MRC2: variants seen among roughly 807,000 people sequenced by gnomAD.
MRC2 encodes C-type mannose receptor 2.
Under a neutral mutation model 206.2 loss-of-function variants are expected in MRC2, and 84 were observed. The observed-to-expected ratio is 0.41, with a 90% CI of 0.34 to 0.49. The LOEUF (loss-of-function observed/expected upper bound fraction) is 0.49, where lower values mean the gene tolerates loss of function less well. Among genes scored for constraint, MRC2 ranks in the 20% least tolerant of loss-of-function variants. The pLI is 0.31. For synonymous variants in MRC2, 798 were observed against 800.0 expected (o/e 1.00, Z 0.04); for missense variants, 1,676 against 2,001.5 (o/e 0.84, Z 3.10).
intron 1 of MRC2, among the ~76,000 whole-genome samples, chr17:62,635,439 T>G (rs1051904280): frequency 6.6e-6 from 1 of 152,086 alleles, no homozygotes. Flanking sequence ...TAGGGAAGGA[T>G]AAGGAGCTTC....
Position 62,690,643 on chromosome 17 carries a change from G to T in MRC2, c.3894G>T (p.Ala1298=). 1 of 1,602,794 alleles carries T rather than the reference G, an allele frequency of 6.2e-7. No homozygotes were observed. Among genetic ancestry groups the T allele is most frequent in the Non-Finnish European group, 8.5e-7 (1 of 1,174,692 alleles). ...GACGTGGGCCTTCTTTGCATCCAGCGGGTGGGGCCGTCCTGTCTATCCTGG... is the reference window on the plus strand; with the variant it reads ...GACGTGGGCCTTCTTTGCATCCAGCTGGTGGGGCCGTCCTGTCTATCCTGG... ...HKEARQRCQR[A]GGAVLSILDE... The change falls in exon 27 of 30, where the codon GCG becomes GCT. Residue 1298 remains alanine, a splice_region_variant and synonymous_variant. Transcript: ENST00000303375.
At chr17:62,691,174 C>T (rs765111874) in intron 28 of MRC2, 46 bp downstream of exon 28, 30 of 1,545,868 alleles carry the variant, frequency 1.9e-5, no homozygotes, top group Non-Finnish European at 2.3e-5. Flanking sequence ...CACCCCGTGC[C>T]GCTGGTCCTG....
chr17:62,688,633 GC>G lies in MRC2; in HGVS notation c.3197del (p.Pro1066LeufsTer50). ...YANWAPGEPSGPSPAPSGNKP... is the reference protein window; with the variant it reads ...YANWAPGEPSXPSPAPSGNKP... Reference sequence around the variant, plus strand: ...AACTGGGCACCTGGGGAGCCCTCTGGCCCTAGCCCTGCTCCCAGTGGCAACA... The same window carrying G: ...AACTGGGCACCTGGGGAGCCCTCTGGCCTAGCCCTGCTCCCAGTGGCAACA... On this transcript the variant is annotated frameshift_variant, in exon 22 of 30. Transcript: ENST00000303375. LOFTEE classifies it high-confidence loss of function. 1 of 1,614,024 alleles carries G rather than the reference GC, an allele frequency of 6.2e-7. No homozygotes were observed. Among genetic ancestry groups the G allele is most frequent in the Middle Eastern group, 1.7e-4 (1 of 6,052 alleles).
rs74383508 is a variant in MRC2 at position 62,662,264 on chromosome 17, T to A, written c.119-2284T>A. On this transcript the variant is annotated intron_variant, in intron 1 of 29. Transcript: ENST00000303375. ...GACTCTGTCTCAAAAAAAAAAAAAATAGATTATTCTGACTGTCTTTGGAGA... is the reference window on the plus strand; with the variant it reads ...GACTCTGTCTCAAAAAAAAAAAAAAAAGATTATTCTGACTGTCTTTGGAGA... Among the ~76,000 whole-genome samples, 81 of 146,996 alleles carry A rather than the reference T, an allele frequency of 5.5e-4. No individual in the cohort carries two copies. The East Asian group carries it at 6.5e-3, about 12-fold the overall frequency.
At chr17:62,690,595 CCCCCCGGAGACCCATCCGCCCT>C in intron 26 of MRC2, 25 bp from the exon 27 acceptor site, 1 of 1,542,248 alleles carries the variant, frequency 6.5e-7, no homozygotes, top group Non-Finnish European at 8.7e-7. Flanking sequence ...GGACTCTGCC[CCCCCCGGAGACCCATCCGCCCT>C]GACGTGGGCC....
intron 13 of MRC2, 112 bp from the exon 14 acceptor site, chr17:62,679,688 C>G (rs878918312): frequency 1.0e-6 from 1 of 964,334 alleles, no homozygotes; most frequent in South Asian, 1.6e-5. Context: ...TGGAGAGGCC[C>G]CAGGCCCTGG....
At position 62,693,524 on chromosome 17, in the gene MRC2, C is replaced by T. The variant is rs1181768267; in HGVS notation, c.*1073C>T. 2.0e-5 allele frequency: 3 copies of T among 152,416 alleles called. No individual in the cohort carries two copies. Among genetic ancestry groups the T allele is most frequent in the Non-Finnish European group, 4.4e-5 (3 of 68,016 alleles). 9.4% of individuals were successfully genotyped at this position (152,416 alleles called of 1,614,324 possible). A position where few individuals can be genotyped will look rare whatever the true frequency, so the allele number is the denominator to read the frequency against. ...TCTGTAGTTGATTTTTTAAATGTGC[C>T]ATTATTGTTTTTAAAAAAAAAGGAA... On this transcript the variant is annotated 3_prime_UTR_variant, in exon 30 of 30. Coordinates refer to ENST00000303375, the MANE Select transcript of MRC2 (RefSeq NM_006039.5).
At chr17:62,640,017 C>CTTTTT (rs56703312) in intron 1 of MRC2, among the ~76,000 whole-genome samples, 81 of 74,330 alleles carry the variant, frequency 1.1e-3, no homozygotes, top group Middle Eastern at 8.5e-3. Context: ...CCATGCCCAG[C>CTTTTT]TTTTTTTTTT....
chr17:62,654,628 C>A (rs551456553), intron 1 of MRC2, among the ~76,000 whole-genome samples: 1 of 152,236 alleles, frequency 6.6e-6, no homozygotes, highest in South Asian at 2.1e-4. Context: ...AAACTGTTGT[C>A]AAGCCTTTGC....
intron 1 of MRC2, among the ~76,000 whole-genome samples, chr17:62,659,395 C>T (rs2088654949): frequency 6.6e-6 from 1 of 152,152 alleles, no homozygotes; most frequent in African/African-American, 2.4e-5. Context: ...CAAAAATTAG[C>T]TGAGCATGGT....
At chr17:62,647,778 T>C (rs1177320032) in intron 1 of MRC2, among the ~76,000 whole-genome samples, 1 of 152,160 alleles carries the variant, frequency 6.6e-6, no homozygotes, top group Admixed American at 6.5e-5. Flanking sequence ...ATGCTGCCAA[T>C]TTTTCCAGCA....
In MRC2 at chr17:62,692,363, G is replaced by A. The variant is rs376294143; in HGVS notation, c.4352G>A (p.Arg1451His). The A allele has an allele frequency of 1.8e-5, 29 of 1,573,064 alleles. No individual in the cohort carries two copies. Among genetic ancestry groups the A allele is most frequent in the Admixed American group, 3.8e-5 (2 of 52,988 alleles). Residue 1451 changes from arginine (R) to histidine (H), a missense_variant, in exon 30 of 30, where the codon CGC becomes CAC. By Grantham distance (29) the Arg-to-His change is conservative. Around this residue, in one of 3 missense-constraint regions of MRC2, gnomAD observed 1,354 missense variants for 1,636.6 expected, o/e 0.83. Transcript: ENST00000303375. The surrounding 1 kb of genome is among the most constrained non-coding windows in gnomAD (Gnocchi z 4.2). ...SIERGAFEGA[R>H]YSRSSSSPTE... ...GAGCGCGGGGCCTTTGAGGGTGCCC[G>A]CTACAGCCGCAGCAGCTCCAGCCCC... is the stretch of plus-strand genomic sequence containing the variant.
intron 20 of MRC2, chr17:62,683,971 C>T (rs538355174): frequency 2.3e-4 from 35 of 152,124 alleles, no homozygotes; most frequent in Admixed American, 2.0e-3. Flanking sequence ...TGGCCCTGCA[C>T]AAGGATGCTA....
At position 62,678,571 on chromosome 17, in the gene MRC2, T is replaced by TG; in HGVS notation, c.2125dup (p.Ala709GlyfsTer25). The TG allele has an allele frequency of 6.2e-7, 1 of 1,609,620 alleles. No individual in the cohort carries two copies. The highest frequency in any genetic ancestry group is 8.5e-7 in the Non-Finnish European group (1 of 1,178,880). On this transcript the variant is annotated frameshift_variant, in exon 13 of 30. Coordinates refer to ENST00000303375, the MANE Select transcript of MRC2 (RefSeq NM_006039.5). LOFTEE classifies it high-confidence loss of function. ...CAGGCCCAGGGGGCCTGCCAGGAGC[T>TG]GGGGGCCCAGCTGCTGAGCCTGGCC...
chr17:62,664,775 G>T lies in MRC2; in HGVS notation c.346G>T (p.Ala116Ser), dbSNP rs375584608. The change falls in exon 2 of 30, where the codon GCA becomes TCA. Residue 116 changes from alanine to serine, a missense_variant. Ala to Ser is a moderately conservative substitution (Grantham distance 99). This residue lies in a region of MRC2 where 318 missense variants were observed against 346.7 expected (regional missense o/e 0.92). Coordinates refer to ENST00000303375, the MANE Select transcript of MRC2 (RefSeq NM_006039.5). This position sits in a 1 kb window ranked among gnomAD's most constrained non-coding sequence, Gnocchi z 4.7. ...SLGMYECDRE[A>S]LNLRWHCRTL... ...GGGCATGTATGAGTGTGACCGGGAA[G>T]CACTGAATCTTCGCTGGCATTGTCG... 5 of 1,614,034 alleles carry T rather than the reference G, an allele frequency of 3.1e-6. No individual in the cohort carries two copies. The highest frequency in any genetic ancestry group is 4.2e-6 in the Non-Finnish European group (5 of 1,180,040).
intron 1 of MRC2, among the ~76,000 whole-genome samples, chr17:62,638,008 C>T (rs575718411): frequency 2.0e-5 from 3 of 151,972 alleles, no homozygotes; most frequent in Non-Finnish European, 4.4e-5. Context: ...GGACGACAGG[C>T]GGCGCCACCA....
At chr17:62,651,607 C>T (rs2147449292) in intron 1 of MRC2, among the ~76,000 whole-genome samples, 1 of 152,022 alleles carries the variant, frequency 6.6e-6, no homozygotes, top group Middle Eastern at 3.4e-3. Flanking sequence ...ACGAGTTTCA[C>T]TCTGTCCCCC....
chr17:62,645,777 C>T (rs1296649455), intron 1 of MRC2, among the ~76,000 whole-genome samples: 2 of 151,212 alleles, frequency 1.3e-5, no homozygotes, highest in Non-Finnish European at 2.9e-5. Flanking sequence ...TGAGCTCAAG[C>T]AATCCACCTG....
chr17:62,685,177 A>T (rs2089018216), intron 20 of MRC2, among the ~76,000 whole-genome samples: 1 of 151,688 alleles, frequency 6.6e-6, no homozygotes, highest in South Asian at 2.1e-4. Flanking sequence ...CAAAAAAAAA[A>T]TTACACCTCT....
Sources: gnomAD v4.1 joint callset for allele counts (sites outside exome capture counted in the v4.1 genomes callset) on GRCh38, gnomAD v4.1.1 for gene constraint, gnomAD v4.1.1 regional missense constraint, Gnocchi (gnomAD v3.1) non-coding constraint, MANE v1.5 for transcripts, NCBI Gene and HGNC (gene_info 2026-07-23, HGNC 2026-07-21) for gene names.